Variants in MAGI2 observed in about 807,000 individuals in gnomAD.
The protein encoded by MAGI2 is membrane associated guanylate kinase, WW and PDZ domain containing 2.
Under a neutral mutation model 133.3 loss-of-function variants are expected in MAGI2, and 35 were observed. That is an observed-to-expected ratio of 0.26 (90% CI 0.20 to 0.35). The LOEUF (loss-of-function observed/expected upper bound fraction) is 0.35. Ranked by LOEUF, MAGI2 falls within the 10% of genes least tolerant of loss-of-function variation. The pLI is 1.00. For synonymous variants in MAGI2, 729 were observed against 710.6 expected, an observed-to-expected ratio of 1.03 and a Z score of -0.41; for missense variants, 1,636 against 1,863.4, an observed-to-expected ratio of 0.88 and a Z score of 2.25.
chr7:78,861,769 T>G (rs1186259015), intron 2 of MAGI2, among the ~76,000 whole-genome samples: 1 of 152,242 alleles, frequency 6.6e-6, no homozygotes, highest in Non-Finnish European at 1.5e-5. Context: ...CATAAATGAT[T>G]GGAATTATTG....
At chr7:78,824,940 A>G (rs908565359) in intron 2 of MAGI2, among the ~76,000 whole-genome samples, 2 of 152,194 alleles carry the variant, frequency 1.3e-5, no homozygotes, top group Non-Finnish European at 2.9e-5. Context: ...GGTGAAAGCC[A>G]TCATTCTCAG....
At chr7:79,247,025 C>G (rs961782595) in intron 1 of MAGI2, among the ~76,000 whole-genome samples, 3 of 152,070 alleles carry the variant, frequency 2.0e-5, no homozygotes, top group Non-Finnish European at 4.4e-5. Context: ...AAGGAAGAAA[C>G]TTTTATTCTA....
intron 2 of MAGI2, among the ~76,000 whole-genome samples, chr7:78,836,350 A>G (rs1477484029): frequency 6.6e-6 from 1 of 152,198 alleles, no homozygotes; most frequent in Non-Finnish European, 1.5e-5. Context: ...CAGACTGCAT[A>G]TGCATTATGG....
intron 1 of MAGI2, among the ~76,000 whole-genome samples, chr7:79,182,674 C>T (rs1585139002): frequency 6.6e-6 from 1 of 151,912 alleles, no homozygotes. Flanking sequence ...TCTAGCAATC[C>T]CACTAAGAGT....
intron 6 of MAGI2, among the ~76,000 whole-genome samples, chr7:78,393,955 A>G (rs1051156569): frequency 6.6e-6 from 1 of 152,216 alleles, no homozygotes; most frequent in African/African-American, 2.4e-5. Context: ...ATTAAAAATA[A>G]ATCTTTCTAT....
intron 1 of MAGI2, among the ~76,000 whole-genome samples, chr7:79,234,103 A>G (rs1355872999): frequency 2.1e-5 from 3 of 140,360 alleles, no homozygotes; most frequent in Non-Finnish European, 4.6e-5. Flanking sequence ...TCTTTTCTTT[A>G]AGAATGTTGA....
intron 2 of MAGI2, among the ~76,000 whole-genome samples, chr7:78,797,617 A>C (rs1443900192): frequency 2.6e-5 from 4 of 152,218 alleles, no homozygotes; most frequent in Non-Finnish European, 5.9e-5. Context: ...TTAATCACAT[A>C]CAAATGTAAA....
intron 21 of MAGI2, among the ~76,000 whole-genome samples, chr7:78,026,764 A>G (rs886944436): frequency 7.2e-5 from 11 of 152,214 alleles, no homozygotes; most frequent in Admixed American, 3.3e-4. Flanking sequence ...TGTTTCCGAA[A>G]GCCATGAATA....
intron 1 of MAGI2, among the ~76,000 whole-genome samples, chr7:79,344,418 A>G (rs558251979): frequency 1.7e-4 from 26 of 152,144 alleles, no homozygotes; most frequent in South Asian, 4.1e-4. Flanking sequence ...TACATAAATG[A>G]GCAATTGCTA....
chr7:78,751,200 C>T (rs1823424782), intron 2 of MAGI2, among the ~76,000 whole-genome samples: 1 of 152,124 alleles, frequency 6.6e-6, no homozygotes, highest in South Asian at 2.1e-4. Flanking sequence ...ACTTTAATTT[C>T]AAGGCATCAT....
chr7:78,348,968 G>T (rs16885947), intron 7 of MAGI2, among the ~76,000 whole-genome samples: 5,572 of 152,256 alleles, frequency 0.037, 154 homozygotes, highest in South Asian at 0.13. Context: ...AAGATGCACC[G>T]AAGCCAGTTG....
chr7:79,096,347 A>G (rs913383411), intron 1 of MAGI2, among the ~76,000 whole-genome samples: 1 of 152,164 alleles, frequency 6.6e-6, no homozygotes, highest in African/African-American at 2.4e-5. Context: ...CCACACTACG[A>G]TGACCATTCC....
At chr7:78,314,376 T>C (rs1787189254) in intron 9 of MAGI2, among the ~76,000 whole-genome samples, 1 of 152,142 alleles carries the variant, frequency 6.6e-6, no homozygotes, top group Admixed American at 6.5e-5. Flanking sequence ...AATTATATTA[T>C]GGGATGAAAA....
intron 2 of MAGI2, among the ~76,000 whole-genome samples, chr7:78,993,329 C>A (rs1805975371): frequency 6.6e-6 from 1 of 151,898 alleles, no homozygotes; most frequent in Admixed American, 6.6e-5. Flanking sequence ...TAGTCTTTGA[C>A]AACATAAAAC....
At chr7:78,632,300 C>T (rs530147803) in intron 2 of MAGI2, among the ~76,000 whole-genome samples, 8 of 152,170 alleles carry the variant, frequency 5.3e-5, no homozygotes, top group Non-Finnish European at 1.0e-4. Flanking sequence ...GACCATAAAT[C>T]AGACTGTTAG....
intron 1 of MAGI2, among the ~76,000 whole-genome samples, chr7:79,263,499 A>C (rs1325454124): frequency 6.6e-6 from 1 of 152,176 alleles, no homozygotes; most frequent in Non-Finnish European, 1.5e-5. Context: ...TCAAGTTAAC[A>C]AGTTTTTACA....
intron 2 of MAGI2, among the ~76,000 whole-genome samples, chr7:78,891,072 A>C (rs1357779697): frequency 1.3e-5 from 2 of 152,306 alleles, no homozygotes; most frequent in South Asian, 4.1e-4. Context: ...CAGAAATACA[A>C]ACTACCATCA....
At chr7:78,441,740 C>T (rs1195842839) in intron 6 of MAGI2, among the ~76,000 whole-genome samples, 1 of 151,930 alleles carries the variant, frequency 6.6e-6, no homozygotes, top group Non-Finnish European at 1.5e-5. Context: ...CTACACAAGA[C>T]ATTTAGTAGA....
chr7:78,052,631 G>C (rs74672264), intron 21 of MAGI2, among the ~76,000 whole-genome samples: 6,923 of 152,270 alleles, frequency 0.045, 181 homozygotes, highest in East Asian at 0.077. Context: ...ATATCACACG[G>C]CCCCTGCCAG....
Sources: gnomAD v4.1 joint callset for allele counts (sites outside exome capture counted in the v4.1 genomes callset) on GRCh38, gnomAD v4.1.1 for gene constraint, MANE v1.5 for transcripts, NCBI Gene and HGNC (gene_info 2026-07-23, HGNC 2026-07-21) for gene names.